Variants in CRB2 observed in about 807,000 individuals in gnomAD.
CRB2 encodes the protein protein crumbs homolog 2.
In CRB2, 85 loss-of-function variants were observed where a neutral mutation model predicts 110.9. The ratio of observed to expected loss-of-function variants is 0.77; its 90% CI spans 0.64 to 0.92. The LOEUF (loss-of-function observed/expected upper bound fraction) is 0.92, where lower values mean the gene tolerates loss of function less well. Ranked by LOEUF, CRB2 falls within the 40% of genes least tolerant of loss-of-function variation. The pLI is 0.00. For synonymous variants in CRB2, 907 were observed against 831.0 expected (o/e 1.09, Z -1.57); for missense variants, 1,843 against 1,851.3 (o/e 1.00, Z 0.08).
chr9:123,374,353 G>A (rs1393311692), intron 10 of CRB2, among the ~76,000 whole-genome samples: 1 of 152,164 alleles, frequency 6.6e-6, no homozygotes, highest in South Asian at 2.1e-4. Context: ...AGCTGCTTTT[G>A]TTCAGAGTCC....
At chr9:123,362,835 C>A in intron 1 of CRB2, 30 bp from the exon 2 acceptor site, 1 of 1,545,762 alleles carries the variant, frequency 6.5e-7, no homozygotes. Context: ...CCTCTGCCCA[C>A]CCTGCCCAGC....
At chr9:123,367,472 C>T (rs1192359403) in intron 5 of CRB2, 101 bp from the exon 6 acceptor site, 4 of 1,154,082 alleles carry the variant, frequency 3.5e-6, no homozygotes, top group East Asian at 2.9e-5. Flanking sequence ...CCGAGTCTGC[C>T]CTCTCTCTTG....
upstream of CRB2, chr9:123,356,067 G>A (rs1056414956): frequency 1.1e-5 from 5 of 442,556 alleles, no homozygotes; most frequent in Admixed American, 7.8e-5. Context: ...TGGGGCTGAT[G>A]TCTAGGGACG....
rs35902524 is a variant in CRB2 at position 123,374,409 on chromosome 9, G to GA, written c.3390-170_3390-169insA. Among the ~76,000 whole-genome samples, 48,088 of 152,058 alleles carry GA rather than the reference G, an allele frequency of 0.32. 8,627 individuals are homozygous for GA. The highest frequency in any genetic ancestry group is 0.49 in the African/African-American group (20,206 of 41,448). ...TCCTCTGAGACTCTGGAAAGCGAGT[G>GA]CAACCCTGTGTCCCTTCCCTCCCAT... On this transcript the variant is annotated intron_variant, in intron 10 of 12. Coordinates refer to ENST00000373631, the MANE Select transcript of CRB2 (RefSeq NM_173689.7).
At chr9:123,368,009 G>C (rs1206555684) in intron 6 of CRB2, among the ~76,000 whole-genome samples, 1 of 151,982 alleles carries the variant, frequency 6.6e-6, no homozygotes, top group Non-Finnish European at 1.5e-5. Context: ...GAGAGTTAGG[G>C]GGCAGCATCT....
rs2042041756 is a variant in CRB2 at position 123,373,183 on chromosome 9, G to A, written c.2652G>A (p.Gly884=). 2 of 1,515,236 alleles carry A rather than the reference G, an allele frequency of 1.3e-6. No individual in the cohort carries two copies. Among genetic ancestry groups the A allele is most frequent in the Non-Finnish European group, 1.8e-6 (2 of 1,138,072 alleles). 93.9% of individuals were successfully genotyped at this position (1,515,236 alleles called of 1,614,324 possible). A position where few individuals can be genotyped will look rare whatever the true frequency, so the allele number is the denominator to read the frequency against. ...AGGGTCCCCCCGCCGCGTTCAGCGG[G>A]CACAACGCGTCGTCAGGGCGCTTGC... ...FREGPPAAFS[G]HNASSGRLLG... Residue 884 remains glycine, a synonymous_variant, in exon 10 of 13, where the codon GGG becomes GGA. Transcript: ENST00000373631.
At chr9:123,368,850 C>T (rs1240072122) in intron 6 of CRB2, 5 of 1,258,518 alleles carry the variant, frequency 4.0e-6, no homozygotes, top group Non-Finnish European at 5.1e-6. Context: ...CTTCCCCAGC[C>T]TCAGTGCCCG....
Position 123,366,064 on chromosome 9 carries a change from A to G in CRB2, c.566A>G (p.Gln189Arg). Residue 189 changes from glutamine (Q) to arginine (R), a missense_variant, in exon 3 of 13, where the codon CAG (glutamine) becomes CGG (arginine). Gln to Arg is a conservative substitution (Grantham distance 43). Coordinates refer to ENST00000373631, the MANE Select transcript of CRB2 (RefSeq NM_173689.7). ...TGCCAGCTGGACCTCGACGAGTGCC[A>G]GAGCCAGCCGTGCGCACATGGGGGC... ...TRCQLDLDEC[Q>R]SQPCAHGGTC... 1 of 1,573,226 alleles carries G rather than the reference A, an allele frequency of 6.4e-7. No homozygotes were observed. The highest frequency in any genetic ancestry group is 2.3e-5 in the East Asian group (1 of 43,068).
intron 1 of CRB2, among the ~76,000 whole-genome samples, chr9:123,361,343 G>A (rs2132739390): frequency 6.6e-6 from 1 of 152,320 alleles, no homozygotes; most frequent in South Asian, 2.1e-4. Context: ...TCCATGAGAT[G>A]GGCACTTTTT....
Position 123,370,994 on chromosome 9 carries a change from C to T in CRB2, c.1927+14C>T, listed in dbSNP as rs1041103298. The stretch of plus-strand genomic sequence containing the variant: ...CGTGCGCTGATGGTGAGGAATAAGC[C>T]AGGTGGGAAGGCAGCACCTGAGATC... On this transcript the variant is annotated intron_variant, in intron 7 of 12. Coordinates refer to ENST00000373631, the MANE Select transcript of CRB2 (RefSeq NM_173689.7). The T allele has an allele frequency of 3.8e-6, 6 of 1,598,002 alleles. No homozygotes were observed. Among genetic ancestry groups the T allele is most frequent in the Non-Finnish European group, 5.1e-6 (6 of 1,170,548 alleles).
intron 1 of CRB2, among the ~76,000 whole-genome samples, chr9:123,357,750 T>C (rs2041817029): frequency 6.6e-6 from 1 of 152,202 alleles, no homozygotes; most frequent in East Asian, 1.9e-4. Context: ...CGCACACCTG[T>C]GTGGCATGCC....
At chr9:123,374,188 G>GTGGC (rs754967054) in intron 10 of CRB2, 16 of 617,580 alleles carry the variant, frequency 2.6e-5, no homozygotes, top group Non-Finnish European at 4.6e-5. Context: ...ATCCCTATTG[G>GTGGC]TGGCTGGTTG....
Position 123,363,234 on chromosome 9 carries a change from C to T in CRB2, c.418+46C>T, listed in dbSNP as rs536195021. On this transcript the variant is annotated intron_variant, in intron 2 of 12. Transcript: ENST00000373631. ...GGGAGGAGGTCTGTAATGCAGATCG[C>T]ATCAGCTGCTCAGAGTGTAAGCATC... 3.3e-6 allele frequency: 5 copies of T among 1,535,750 alleles called. No individual in the cohort carries two copies. The East Asian group carries it at 1.2e-4, about 35-fold the overall frequency.
rs765676223 is a variant in CRB2 at position 123,371,542 on chromosome 9, C to G, written c.2400C>G (p.Asn800Lys). The stretch of plus-strand genomic sequence containing the variant: ...AGCTCGGCGGCAGGCAGTCCTGGAA[C>G]CTCACTGCGGGCTGCGTCTCCGAGG... Reference protein sequence around the residue: ...PSELGGRQSWNLTAGCVSEDM... With the variant: ...PSELGGRQSWKLTAGCVSEDM... The change falls in exon 8 of 13, where the codon AAC becomes AAG. Residue 800 changes from asparagine to lysine, a missense_variant. Asn to Lys is a moderately conservative substitution (Grantham distance 94). Transcript: ENST00000373631. 1.2e-4 allele frequency: 193 copies of G among 1,613,014 alleles called. 1 individual carries two copies. Among genetic ancestry groups the G allele is most frequent in the Non-Finnish European group, 2.6e-5 (31 of 1,180,042 alleles).
In CRB2 at chr9:123,363,083, T is replaced by C. The variant is rs776640703; in HGVS notation, c.313T>C (p.Cys105Arg). 4 of 1,611,644 alleles carry C rather than the reference T, an allele frequency of 2.5e-6. No homozygotes were observed. The highest frequency in any genetic ancestry group is 3.4e-6 in the Non-Finnish European group (4 of 1,179,946). Residue 105 changes from cysteine to arginine, a missense_variant, in exon 2 of 13, where the codon TGC becomes CGC. By Grantham distance (180) the Cys-to-Arg change is radical. Coordinates refer to ENST00000373631, the MANE Select transcript of CRB2 (RefSeq NM_173689.7). ...CGTGCCGGGTTTCCAGGGCCCACGCTGCGAGCTGGACATCGATGAGTGTGC... is the reference window on the plus strand; with the variant it reads ...CGTGCCGGGTTTCCAGGGCCCACGCCGCGAGCTGGACATCGATGAGTGTGC... ...YCVPGFQGPR[C>R]ELDIDECASR...
chr9:123,360,928 T>A (rs1298220896), intron 1 of CRB2, among the ~76,000 whole-genome samples: 2 of 152,200 alleles, frequency 1.3e-5, no homozygotes, highest in African/African-American at 2.4e-5. Flanking sequence ...TGCCTGGCTC[T>A]GACTGGAGAA....
chr9:123,358,696 C>T (rs962803776), intron 1 of CRB2, among the ~76,000 whole-genome samples: 1 of 152,200 alleles, frequency 6.6e-6, no homozygotes, highest in Non-Finnish European at 1.5e-5. Context: ...GATGGCCAGT[C>T]CCAGAGCCAG....
In CRB2 at chr9:123,372,341, G is replaced by A. The variant is rs145062249; in HGVS notation, c.2601G>A (p.Val867=). Residue 867 remains valine, a splice_region_variant and synonymous_variant, in exon 9 of 13, where the codon GTG becomes GTA. Coordinates refer to ENST00000373631, the MANE Select transcript of CRB2 (RefSeq NM_173689.7). ...GTGAGGAGGTCCCTGATGGCTTTGT[G>A]TGTGAGTGTGTGTCCTGGGCAGCTC... ...ATCEEVPDGF[V]CVAEATFREG... The A allele has an allele frequency of 2.5e-6, 4 of 1,589,438 alleles. No individual in the cohort carries two copies. In the African/African-American group the frequency reaches 4.0e-5, roughly 16 times the overall value.
At position 123,371,067 on chromosome 9, in the gene CRB2, CAG is replaced by C; in HGVS notation, c.1929_1930del. The C allele has an allele frequency of 6.2e-7, 1 of 1,610,716 alleles. No individual in the cohort carries two copies. Among genetic ancestry groups the C allele is most frequent in the Middle Eastern group, 1.7e-4 (1 of 6,048 alleles). On this transcript the variant is annotated splice_acceptor_variant, in intron 7 of 12. Transcript: ENST00000373631. LOFTEE classifies it high-confidence loss of function. ...TCACACCTGGCACCTTCTCTCCCTG[CAG>C]AGATTCCTGCTGCCACCTTTGGCTT... is the stretch of plus-strand genomic sequence containing the variant.
Sources: allele counts gnomAD v4.1 joint callset (sites outside exome capture counted in the v4.1 genomes callset), GRCh38; gene constraint gnomAD v4.1.1; transcripts MANE v1.5; gene names NCBI Gene and HGNC (gene_info 2026-07-23, HGNC 2026-07-21).